The following TMEM63C variants were observed in gnomAD, a reference collection of about 807,000 sequenced individuals.
TMEM63C encodes osmosensitive cation channel TMEM63C.
TMEM63C carries 32 observed loss-of-function variants against 99.2 expected under a neutral mutation model. The observed-to-expected ratio is 0.32, with a 90% CI of 0.24 to 0.43. The LOEUF is 0.43. TMEM63C is among the 20% of genes least tolerant of loss of function. The pLI is 1.00. For synonymous variants in TMEM63C, 376 were observed against 397.9 expected (o/e 0.94, Z 0.66); for missense variants, 826 against 1,053.0 (o/e 0.78, Z 2.98).
At chr14:77,228,862 T>C (rs1888883736) in intron 6 of TMEM63C, among the ~76,000 whole-genome samples, 1 of 152,080 alleles carries the variant, frequency 6.6e-6, no homozygotes, top group South Asian at 2.1e-4. Context: ...AATCCCAGAC[T>C]GGATGCTAGT....
At chr14:77,204,391 A>C (rs1359216958) in intron 1 of TMEM63C, among the ~76,000 whole-genome samples, 1 of 152,212 alleles carries the variant, frequency 6.6e-6, no homozygotes. Context: ...AATGCTCACC[A>C]GCAGCTCCCT....
At chr14:77,212,280 G>T (rs1196055680) in intron 1 of TMEM63C, 2 of 152,252 alleles carry the variant, frequency 1.3e-5, no homozygotes, top group Non-Finnish European at 2.9e-5. Context: ...TGAGACAGAT[G>T]AAGTCACTGC....
At chr14:77,242,249 G>C (rs1264086402) in intron 13 of TMEM63C, 98 bp from the exon 14 acceptor site, 10 of 1,378,846 alleles carry the variant, frequency 7.3e-6, no homozygotes, top group Non-Finnish European at 9.1e-6. Flanking sequence ...CCATCTGTAG[G>C]ACCACCATAG....
chr14:77,225,520 G>A (rs867668036), intron 6 of TMEM63C, 59 bp downstream of exon 6: 5 of 1,589,852 alleles, frequency 3.1e-6, no homozygotes, highest in Non-Finnish European at 4.3e-6. Context: ...GGGGGTGGAG[G>A]CTCCTGGAAA....
intron 1 of TMEM63C, among the ~76,000 whole-genome samples, chr14:77,194,808 G>A (rs1888188843): frequency 6.6e-6 from 1 of 150,670 alleles, no homozygotes; most frequent in South Asian, 2.1e-4. Flanking sequence ...TCTCTAACTT[G>A]TGGGCTCAAG....
At chr14:77,227,124 A>G (rs1435037625) in intron 6 of TMEM63C, among the ~76,000 whole-genome samples, 1 of 152,206 alleles carries the variant, frequency 6.6e-6, no homozygotes, top group Non-Finnish European at 1.5e-5. Flanking sequence ...TAGAGACAGT[A>G]GAGAGCCAAT....
intron 3 of TMEM63C, among the ~76,000 whole-genome samples, chr14:77,219,253 G>C (rs1166743529): frequency 1.3e-5 from 2 of 152,182 alleles, no homozygotes; most frequent in Non-Finnish European, 2.9e-5. Flanking sequence ...TGGTCCCATA[G>C]ATCTGAACAT....
At chr14:77,197,362 C>T (rs956388968) in intron 1 of TMEM63C, among the ~76,000 whole-genome samples, 70 of 152,204 alleles carry the variant, frequency 4.6e-4, no homozygotes, top group African/African-American at 1.7e-3. Flanking sequence ...CACTTCTGTT[C>T]CTCTGGCCAT....
At chr14:77,205,907 G>T (rs1168818340) in intron 1 of TMEM63C, among the ~76,000 whole-genome samples, 1 of 152,196 alleles carries the variant, frequency 6.6e-6, no homozygotes, top group Non-Finnish European at 1.5e-5. Context: ...CCCTGGGCAG[G>T]CTACACACCC....
chr14:77,256,759 G>A lies in TMEM63C; in HGVS notation c.*33G>A, dbSNP rs1260374900. 1.9e-6 allele frequency: 3 copies of A among 1,606,260 alleles called. No individual in the cohort carries two copies. The highest frequency in any genetic ancestry group is 2.6e-6 in the Non-Finnish European group (3 of 1,174,300). On this transcript the variant is annotated 3_prime_UTR_variant, in exon 24 of 24. Coordinates refer to ENST00000298351, the MANE Select transcript of TMEM63C (RefSeq NM_020431.4). ...CTGAGGCCTCCACTGGCGACTTGTTGAGGGGTCAGGGGAGGGCCTGGCAAG... is the reference window on the plus strand; with the variant it reads ...CTGAGGCCTCCACTGGCGACTTGTTAAGGGGTCAGGGGAGGGCCTGGCAAG...
chr14:77,236,579 G>A, intron 8 of TMEM63C, 45 bp from the exon 9 acceptor site: 1 of 1,371,786 alleles, frequency 7.3e-7, no homozygotes, highest in South Asian at 1.2e-5. Flanking sequence ...TGGGCTCTGG[G>A]GAGCTCACAG....
At chr14:77,244,660 T>C (rs923334970) in intron 16 of TMEM63C, among the ~76,000 whole-genome samples, 1 of 152,218 alleles carries the variant, frequency 6.6e-6, no homozygotes, top group African/African-American at 2.4e-5. Flanking sequence ...TCTGGGCCCC[T>C]GGGTTGCTGA....
rs985152981 is a variant in TMEM63C at position 77,242,267 on chromosome 14, G to A, written c.1065-80G>A. On this transcript the variant is annotated intron_variant, in intron 13 of 23. Transcript: ENST00000298351. The stretch of plus-strand genomic sequence containing the variant: ...TCTGTAGGACCACCATAGTGGCCCT[G>A]AGCTCCTGGCATGAGACCCTCCTAA... The A allele has an allele frequency of 5.2e-6, 8 of 1,530,202 alleles. No individual in the cohort carries two copies. The African/African-American group carries it at 1.1e-4, about 21-fold the overall frequency. 94.8% of individuals were successfully genotyped at this position (1,530,202 alleles called of 1,614,324 possible). A position where few individuals can be genotyped will look rare whatever the true frequency, so the allele number is the denominator to read the frequency against.
chr14:77,206,635 C>T (rs948214318), intron 1 of TMEM63C, among the ~76,000 whole-genome samples: 2 of 152,024 alleles, frequency 1.3e-5, no homozygotes, highest in African/African-American at 4.8e-5. Context: ...TCAGTCCCTC[C>T]ACCCTCTCCT....
intron 18 of TMEM63C, 82 bp from the exon 19 acceptor site, chr14:77,248,265 C>A: frequency 8.2e-7 from 1 of 1,226,208 alleles, no homozygotes; most frequent in South Asian, 1.4e-5. Context: ...CCCTCTGCTG[C>A]TCTCCTCTCT....
intron 13 of TMEM63C, 107 bp downstream of exon 13, chr14:77,240,715 C>T (rs2140125562): frequency 7.2e-7 from 1 of 1,392,446 alleles, no homozygotes; most frequent in African/African-American, 1.4e-5. Context: ...CTGGGCCCTC[C>T]ATGCTCGTCA....
At chr14:77,243,143 G>C in intron 15 of TMEM63C, 87 bp downstream of exon 15, 2 of 1,486,478 alleles carry the variant, frequency 1.3e-6, no homozygotes, top group Non-Finnish European at 1.8e-6. Flanking sequence ...GAGCCCCCTG[G>C]GAGGGGGCTG....
At chr14:77,196,863 T>C (rs1888224256) in intron 1 of TMEM63C, among the ~76,000 whole-genome samples, 1 of 152,200 alleles carries the variant, frequency 6.6e-6, no homozygotes, top group South Asian at 2.1e-4. Flanking sequence ...AGACAGCCCT[T>C]CCTGGGCTCA....
chr14:77,210,533 C>A (rs369839844), intron 1 of TMEM63C, among the ~76,000 whole-genome samples: 4 of 152,114 alleles, frequency 2.6e-5, no homozygotes, highest in East Asian at 1.9e-4. Context: ...AGGACGTGAA[C>A]CAGAGCCCTT....
Sources: gnomAD v4.1 joint callset for allele counts (sites outside exome capture counted in the v4.1 genomes callset) on GRCh38, gnomAD v4.1.1 for gene constraint, MANE v1.5 for transcripts, NCBI Gene and HGNC (gene_info 2026-07-23, HGNC 2026-07-21) for gene names.